CSMD1: variants seen among roughly 807,000 people sequenced by gnomAD.
CSMD1 encodes the protein CUB and sushi domain-containing protein 1.
A neutral mutation model predicts 417.5 loss-of-function variants in CSMD1; 213 were observed. The ratio of observed to expected loss-of-function variants is 0.51; its 90% CI spans 0.46 to 0.57. The LOEUF is 0.57. Ranked by LOEUF, CSMD1 falls within the 20% of genes least tolerant of loss-of-function variation. The pLI is 0.00. For missense variants in CSMD1, 6,923 were observed against 4,529.7 expected, an observed-to-expected ratio of 1.53 and a Z score of -15.17; for synonymous variants, 2,862 against 1,736.8, an observed-to-expected ratio of 1.65 and a Z score of -16.11.
chr8:3,366,699 A>T (rs1809589980), intron 20 of CSMD1, among the ~76,000 whole-genome samples: 1 of 152,172 alleles, frequency 6.6e-6, no homozygotes, highest in African/African-American at 2.4e-5. Context: ...CTCCCAATAA[A>T]GGAACTTTCC....
intron 1 of CSMD1, among the ~76,000 whole-genome samples, chr8:4,743,785 G>A (rs1049511552): frequency 9.2e-5 from 14 of 152,286 alleles, no homozygotes; most frequent in African/African-American, 2.9e-4. Context: ...CACTTGAGAG[G>A]CCTTCGATAC....
intron 3 of CSMD1, among the ~76,000 whole-genome samples, chr8:4,216,479 T>C (rs1457492228): frequency 6.6e-6 from 1 of 152,128 alleles, no homozygotes; most frequent in Non-Finnish European, 1.5e-5. Flanking sequence ...TTAGTAAAAT[T>C]TTACTCATTA....
intron 3 of CSMD1, among the ~76,000 whole-genome samples, chr8:4,234,051 C>G (rs1487433182): frequency 3.3e-5 from 5 of 152,074 alleles, no homozygotes; most frequent in Admixed American, 2.6e-4. Context: ...GCCAGTGAAA[C>G]AGATAAGTCA....
At chr8:4,435,933 C>G (rs1798124546) in intron 2 of CSMD1, among the ~76,000 whole-genome samples, 1 of 152,200 alleles carries the variant, frequency 6.6e-6, no homozygotes, top group South Asian at 2.1e-4. Flanking sequence ...GAATTTTAAC[C>G]AAAATCTACA....
rs141813857 is a variant in CSMD1 at position 4,924,484 on chromosome 8, A to G, written c.85+69848T>C. ...ACGCCTGTAATCTCAGTACTTTGAGAGGCTGGGGCGGGTAGATCACCTGAG... is the reference window on the plus strand; with the variant it reads ...ACGCCTGTAATCTCAGTACTTTGAGGGGCTGGGGCGGGTAGATCACCTGAG... On this transcript the variant is annotated intron_variant, in intron 1 of 69. Transcript: ENST00000635120. Among the ~76,000 whole-genome samples the G allele has an allele frequency of 5.6e-4, 86 of 152,276 alleles. No individual in the cohort carries two copies. The East Asian group carries it at 8.9e-3, about 16-fold the overall frequency.
At chr8:3,948,345 T>A (rs1364749485) in intron 5 of CSMD1, among the ~76,000 whole-genome samples, 5 of 152,144 alleles carry the variant, frequency 3.3e-5, no homozygotes, top group African/African-American at 1.2e-4. Context: ...GGACAGAGGC[T>A]TTAATAAATG....
At chr8:4,770,436 G>C (rs1467223420) in intron 1 of CSMD1, among the ~76,000 whole-genome samples, 1 of 149,684 alleles carries the variant, frequency 6.7e-6, no homozygotes, top group Non-Finnish European at 1.5e-5. Context: ...AATCCCAATA[G>C]CATTCTTCAC....
At chr8:3,628,388 C>T (rs1031961769) in intron 7 of CSMD1, among the ~76,000 whole-genome samples, 2 of 152,212 alleles carry the variant, frequency 1.3e-5, no homozygotes, top group Non-Finnish European at 2.9e-5. Flanking sequence ...AGAGCACAGG[C>T]CCGTAGTCAT....
chr8:3,767,076 C>T (rs1278898164), intron 5 of CSMD1, among the ~76,000 whole-genome samples: 1 of 152,214 alleles, frequency 6.6e-6, no homozygotes, highest in African/African-American at 2.4e-5. Flanking sequence ...TGCCTGCCTC[C>T]TGCAGACCCA....
At chr8:4,898,628 T>A (rs534686245) in intron 1 of CSMD1, among the ~76,000 whole-genome samples, 10 of 152,228 alleles carry the variant, frequency 6.6e-5, no homozygotes, top group Non-Finnish European at 8.8e-5. Context: ...GGAATGAAAT[T>A]TTTTTTATGA....
In CSMD1 at chr8:3,579,390, T is replaced by C. The variant is rs981979171; in HGVS notation, c.1223-4324A>G. Reference sequence around the variant, plus strand: ...TTAAATGCAATTCCAGGAAATCTTATGGTTCTATAGTAACTACTCAATTAA... The same window carrying C: ...TTAAATGCAATTCCAGGAAATCTTACGGTTCTATAGTAACTACTCAATTAA... On this transcript the variant is annotated intron_variant, in intron 9 of 69. Coordinates refer to ENST00000635120, the MANE Select transcript of CSMD1 (RefSeq NM_033225.6). Among the ~76,000 whole-genome samples the C allele has an allele frequency of 6.6e-5, 10 of 152,348 alleles. No individual in the cohort carries two copies. In the East Asian group the frequency reaches 9.6e-4, roughly 15 times the overall value.
At chr8:4,569,496 G>C (rs966743794) in intron 2 of CSMD1, among the ~76,000 whole-genome samples, 2 of 152,100 alleles carry the variant, frequency 1.3e-5, no homozygotes, top group African/African-American at 4.8e-5. Flanking sequence ...CTGTTCCATT[G>C]GTCTCTATAT....
At chr8:4,226,778 A>G (rs1801385674) in intron 3 of CSMD1, among the ~76,000 whole-genome samples, 1 of 152,212 alleles carries the variant, frequency 6.6e-6, no homozygotes, top group Admixed American at 6.5e-5. Flanking sequence ...TTAAGAAAAA[A>G]ACAAAAACTC....
chr8:4,635,226 A>T (rs1337171545), intron 2 of CSMD1, among the ~76,000 whole-genome samples: 1 of 152,192 alleles, frequency 6.6e-6, no homozygotes, highest in Non-Finnish European at 1.5e-5. Context: ...TCTGTTGTAC[A>T]TACAACTCAC....
At chr8:3,161,281 T>G (rs1190948368) in intron 38 of CSMD1, among the ~76,000 whole-genome samples, 1 of 152,132 alleles carries the variant, frequency 6.6e-6, no homozygotes, top group East Asian at 1.9e-4. Flanking sequence ...TGACTACTCT[T>G]GCCATACATT....
intron 50 of CSMD1, among the ~76,000 whole-genome samples, chr8:3,042,288 C>T (rs57084958): frequency 6.6e-6 from 1 of 151,902 alleles, no homozygotes; most frequent in African/African-American, 2.4e-5. Context: ...CGTGCATCTC[C>T]TTAGCTAAGG....
chr8:4,349,534 C>T (rs1800966708), intron 3 of CSMD1, among the ~76,000 whole-genome samples: 2 of 152,104 alleles, frequency 1.3e-5, no homozygotes, highest in African/African-American at 4.8e-5. Context: ...AGCCTTTCTA[C>T]TCTATACCAT....
chr8:3,722,116 G>T lies in CSMD1; in HGVS notation c.932-13625C>A, dbSNP rs190489000. Reference sequence around the variant, plus strand: ...TCAGCACTTTGGGAGGCCGAGGCAGGTGGATCACTTGAGGTCAGGAATTTG... The same window carrying T: ...TCAGCACTTTGGGAGGCCGAGGCAGTTGGATCACTTGAGGTCAGGAATTTG... On this transcript the variant is annotated intron_variant, in intron 6 of 69. Transcript: ENST00000635120. 7.8e-4 allele frequency among the ~76,000 whole-genome samples: 119 copies of T among 152,238 alleles called. 1 individual carries two copies. Among genetic ancestry groups the T allele is most frequent in the East Asian group, 7.6e-3 (39 of 5,146 alleles).
In CSMD1 at chr8:3,858,055, T is replaced by C. The variant is rs182800155; in HGVS notation, c.819-104013A>G. 2.0e-3 allele frequency among the ~76,000 whole-genome samples: 301 copies of C among 152,336 alleles called. 4 individuals are homozygous for C. Among genetic ancestry groups the C allele is most frequent in the Middle Eastern group, 6.8e-3 (2 of 294 alleles). ...AAAATTAGTGATTATGTGTTGATGG[T>C]TGTGTCTGTAAAGATAGCAATTTGT... is the stretch of plus-strand genomic sequence containing the variant. On this transcript the variant is annotated intron_variant, in intron 5 of 69. Coordinates refer to ENST00000635120, the MANE Select transcript of CSMD1 (RefSeq NM_033225.6).
Sources: gnomAD v4.1 joint callset for allele counts (sites outside exome capture counted in the v4.1 genomes callset) on GRCh38, gnomAD v4.1.1 for gene constraint, MANE v1.5 for transcripts, NCBI Gene and HGNC (gene_info 2026-07-23, HGNC 2026-07-21) for gene names.